The following KCNG3 variants were observed in gnomAD, a reference collection of about 807,000 sequenced individuals.
KCNG3 encodes potassium voltage-gated channel modifier subfamily G member 3.
A neutral mutation model predicts 29.0 loss-of-function variants in KCNG3; 15 were observed. The observed-to-expected ratio is 0.52, with a 90% confidence interval of 0.35 to 0.80. The LOEUF is 0.80. Among genes scored for constraint, KCNG3 ranks in the 30% least tolerant of loss-of-function variants. KCNG3 has a pLI of 0.01. For synonymous variants in KCNG3, 322 were observed against 248.9 expected, an observed-to-expected ratio of 1.29 and a Z score of -2.76; for missense variants, 512 against 605.7, an observed-to-expected ratio of 0.85 and a Z score of 1.62.
chr2:42,493,133 G>A lies in KCNG3; in HGVS notation c.369C>T (p.Thr123=). 8 of 1,604,302 alleles carry A rather than the reference G, an allele frequency of 5.0e-6. No homozygotes were observed. Among genetic ancestry groups the A allele is most frequent in the Non-Finnish European group, 6.8e-6 (8 of 1,178,854 alleles). ...QRRLDDRMSD[T]YTFYSADEPG... ...GCTCGTCGGCCGAGTAGAAGGTGTAGGTGTCGGACATGCGGTCGTCGAGGC... is the reference window on the plus strand; with the variant it reads ...GCTCGTCGGCCGAGTAGAAGGTGTAAGTGTCGGACATGCGGTCGTCGAGGC... Residue 123 remains threonine (T), a synonymous_variant, in exon 1 of 2, where the codon ACC becomes ACT. Transcript: ENST00000306078.
intron 1 of KCNG3, among the ~76,000 whole-genome samples, chr2:42,466,065 A>G (rs1306411903): frequency 2.0e-5 from 3 of 152,214 alleles, no homozygotes; most frequent in East Asian, 3.8e-4. Flanking sequence ...CCATAAGATT[A>G]TAATACTGCA....
At chr2:42,489,748 A>C (rs1474576963) in intron 1 of KCNG3, among the ~76,000 whole-genome samples, 2 of 152,220 alleles carry the variant, frequency 1.3e-5, no homozygotes, top group African/African-American at 4.8e-5. Context: ...GGCTGGACAA[A>C]TGAAGACTGC....
At chr2:42,404,866 C>G in the KCNG3 span, among the ~76,000 whole-genome samples, 1 of 152,196 alleles carries the variant, frequency 6.6e-6, no homozygotes, top group Non-Finnish European at 1.5e-5. Flanking sequence ...ACCACTGACT[C>G]TTAAGAGCTG....
At chr2:42,421,720 A>C in the KCNG3 span, among the ~76,000 whole-genome samples, 1 of 152,152 alleles carries the variant, frequency 6.6e-6, no homozygotes, top group South Asian at 2.1e-4. Context: ...AGAATCTTAG[A>C]ATTGGGGAAA....
chr2:42,406,746 G>C, the KCNG3 span, among the ~76,000 whole-genome samples: 3 of 150,200 alleles, frequency 2.0e-5, no homozygotes, highest in Admixed American at 2.0e-4. Context: ...AGAATTGCTT[G>C]AACATATGAG....
At chr2:42,477,384 TA>T (rs1673458619) in intron 1 of KCNG3, among the ~76,000 whole-genome samples, 1 of 101,902 alleles carries the variant, frequency 9.8e-6, no homozygotes, top group Non-Finnish European at 1.8e-5. Context: ...CACACACATA[TA>T]TATACACACA....
At chr2:42,420,526 A>G in the KCNG3 span, among the ~76,000 whole-genome samples, 1 of 152,158 alleles carries the variant, frequency 6.6e-6, no homozygotes, top group East Asian at 1.9e-4. Flanking sequence ...GAGATGGCTC[A>G]TGTCTGTAAT....
At chr2:42,416,794 G>T in the KCNG3 span, among the ~76,000 whole-genome samples, 1 of 151,036 alleles carries the variant, frequency 6.6e-6, no homozygotes, top group Admixed American at 6.6e-5. Flanking sequence ...CTCCAGCCTG[G>T]GTGACAGAGT....
the KCNG3 span, among the ~76,000 whole-genome samples, chr2:42,429,748 G>C: frequency 6.6e-6 from 1 of 152,186 alleles, no homozygotes; most frequent in East Asian, 1.9e-4. Context: ...GTGATGGTAA[G>C]ACTCAGCTAA....
the KCNG3 span, among the ~76,000 whole-genome samples, chr2:42,395,046 C>T: frequency 1.3e-5 from 2 of 152,194 alleles, no homozygotes; most frequent in Non-Finnish European, 2.9e-5. Flanking sequence ...AAATGCTCAT[C>T]AGAGCAACCA....
Position 42,470,409 on chromosome 2 carries a change from C to T in KCNG3, c.665+22428G>A, listed in dbSNP as rs1277051427. The T allele has an allele frequency of 1.9e-5, 4 of 208,644 alleles. No individual in the cohort carries two copies. In the South Asian group the frequency reaches 2.4e-4, roughly 13 times the overall value. 12.9% of individuals were successfully genotyped at this position (208,644 alleles called of 1,614,324 possible). A position where few individuals can be genotyped will look rare whatever the true frequency, so the allele number is the denominator to read the frequency against. ...ATTTGCAGTCAGGCATTGTAGCTCA[C>T]GCCTGTACTCCAGACACTTCGAGGT... is the stretch of plus-strand genomic sequence containing the variant. On this transcript the variant is annotated intron_variant, in intron 1 of 1. Transcript: ENST00000306078.
the KCNG3 span, chr2:42,415,535 C>T: frequency 6.6e-6 from 1 of 152,124 alleles, no homozygotes; most frequent in Admixed American, 6.5e-5. Context: ...GGATGTGGCA[C>T]AGAGTTGTGG....
Position 42,493,660 on chromosome 2 carries a change from T to C in KCNG3, c.-159A>G. 1.9e-6 allele frequency: 1 copy of C among 517,652 alleles called. No individual in the cohort carries two copies. Among genetic ancestry groups the C allele is most frequent in the African/African-American group, 2.0e-5 (1 of 49,964 alleles). The allele number at this position is 517,652 out of a possible 1,614,324, so 32.1% of individuals were successfully genotyped here. A position where few individuals can be genotyped will look rare whatever the true frequency, so the allele number is the denominator to read the frequency against. On this transcript the variant is annotated 5_prime_UTR_variant, in exon 1 of 2. Transcript: ENST00000306078. ...CTCCTGCCCTCCGCTGGCCCGGGGG[T>C]CCCTGGGCTCGAGTATCTCCGGCGC...
At chr2:42,477,869 A>G (rs1673477702) in intron 1 of KCNG3, among the ~76,000 whole-genome samples, 1 of 130,740 alleles carries the variant, frequency 7.6e-6, no homozygotes, top group Non-Finnish European at 1.6e-5. Context: ...ACAAAGCAAG[A>G]CCCCGTCTCA....
chr2:42,401,816 G>T, the KCNG3 span, among the ~76,000 whole-genome samples: 1 of 152,204 alleles, frequency 6.6e-6, no homozygotes, highest in South Asian at 2.1e-4. Flanking sequence ...CCCAGAAGGT[G>T]GAGGTTTCAG....
At chr2:42,452,260 A>T (rs1331544727) in intron 1 of KCNG3, among the ~76,000 whole-genome samples, 3 of 81,716 alleles carry the variant, frequency 3.7e-5, no homozygotes, top group Non-Finnish European at 5.7e-5. Context: ...TTTTTTTTTT[A>T]AAGGAAACAG....
At chr2:42,419,259 A>G in the KCNG3 span, among the ~76,000 whole-genome samples, 1 of 46,130 alleles carries the variant, frequency 2.2e-5, no homozygotes, top group Non-Finnish European at 4.1e-5. Flanking sequence ...TTTTTGAGAT[A>G]GAGTCTCACT....
intron 1 of KCNG3, among the ~76,000 whole-genome samples, chr2:42,473,513 C>T (rs1205436451): frequency 6.6e-6 from 1 of 151,992 alleles, no homozygotes; most frequent in Admixed American, 6.6e-5. Flanking sequence ...CCATGCCTGA[C>T]TAATTTTTGT....
At position 42,481,095 on chromosome 2, in the gene KCNG3, C is replaced by A. The variant is rs576967807; in HGVS notation, c.665+11742G>T. 3.6e-3 allele frequency among the ~76,000 whole-genome samples: 541 copies of A among 152,190 alleles called. 2 individuals are homozygous for A. Among genetic ancestry groups the A allele is most frequent in the African/African-American group, 0.013 (522 of 41,550 alleles). On this transcript the variant is annotated intron_variant, in intron 1 of 1. Coordinates refer to ENST00000306078, the MANE Select transcript of KCNG3 (RefSeq NM_133329.6). ...TGCGCCTGGCCAAAATCCATTCTTACTTAGTTCAGGGGCTACACAAAAACC... is the reference window on the plus strand; with the variant it reads ...TGCGCCTGGCCAAAATCCATTCTTAATTAGTTCAGGGGCTACACAAAAACC...
Sources: gnomAD v4.1 joint callset for allele counts (sites outside exome capture counted in the v4.1 genomes callset) on GRCh38, gnomAD v4.1.1 for gene constraint, MANE v1.5 for transcripts, NCBI Gene and HGNC (gene_info 2026-07-23, HGNC 2026-07-21) for gene names.